GRID2: variants seen among roughly 807,000 people sequenced by gnomAD.
GRID2 encodes the protein glutamate receptor ionotropic, delta-2.
Under a neutral mutation model 114.8 loss-of-function variants are expected in GRID2, and 33 were observed. The ratio of observed to expected loss-of-function variants is 0.29; its 90% CI spans 0.22 to 0.38. GRID2 has a LOEUF of 0.38. Among genes scored for constraint, GRID2 ranks in the 10% least tolerant of loss-of-function variants. The probability of loss-of-function intolerance (pLI) is 1.00; values close to 1 mark genes in which losing one functional copy is unlikely to be tolerated. For synonymous variants in GRID2, 505 were observed against 449.9 expected, an observed-to-expected ratio of 1.12 and a Z score of -1.55; for missense variants, 1,184 against 1,257.7, an observed-to-expected ratio of 0.94 and a Z score of 0.89.
At chr4:92,647,057 C>G (rs554872101) in intron 2 of GRID2, among the ~76,000 whole-genome samples, 1 of 152,202 alleles carries the variant, frequency 6.6e-6, no homozygotes, top group South Asian at 2.1e-4. Context: ...GTACAATGAT[C>G]GGTTAGAGTG....
chr4:93,251,427 C>T (rs1748917862), intron 8 of GRID2, among the ~76,000 whole-genome samples: 1 of 152,196 alleles, frequency 6.6e-6, no homozygotes, highest in South Asian at 2.1e-4. Flanking sequence ...TTATAAAATT[C>T]ATTTTAAGCA....
chr4:93,488,671 C>T (rs13119223), intron 11 of GRID2, among the ~76,000 whole-genome samples: 29,198 of 151,792 alleles, frequency 0.19, 3,354 homozygotes, highest in Middle Eastern at 0.33. Context: ...AACACAGACT[C>T]GGTGGCTTAA....
chr4:93,072,848 C>A (rs1728930869), intron 2 of GRID2, among the ~76,000 whole-genome samples: 1 of 152,096 alleles, frequency 6.6e-6, no homozygotes, highest in Non-Finnish European at 1.5e-5. Context: ...TCAAAACTTA[C>A]ACACACACTT....
intron 2 of GRID2, among the ~76,000 whole-genome samples, chr4:92,816,595 A>G (rs2149383105): frequency 6.6e-6 from 1 of 152,250 alleles, no homozygotes; most frequent in South Asian, 2.1e-4. Flanking sequence ...AATTACAAAA[A>G]TTACAAATAT....
chr4:92,439,050 A>C (rs2110355517), intron 1 of GRID2, among the ~76,000 whole-genome samples: 1 of 152,068 alleles, frequency 6.6e-6, no homozygotes, highest in East Asian at 1.9e-4. Flanking sequence ...GTCCGAAAAG[A>C]GAGTCAGCGA....
intron 8 of GRID2, among the ~76,000 whole-genome samples, chr4:93,253,857 C>T (rs1244481626): frequency 1.3e-5 from 2 of 152,074 alleles, no homozygotes; most frequent in Non-Finnish European, 2.9e-5. Flanking sequence ...GTTCATGACA[C>T]TTAAGGTTGT....
chr4:92,796,949 A>G (rs1560597591), intron 2 of GRID2, among the ~76,000 whole-genome samples: 3 of 151,964 alleles, frequency 2.0e-5, no homozygotes. Context: ...TTTTTCAAAA[A>G]GTGGAAGGTA....
chr4:92,827,261 T>TTTAATGAATTTATTA (rs1193091678), intron 2 of GRID2, among the ~76,000 whole-genome samples: 3 of 152,120 alleles, frequency 2.0e-5, no homozygotes, highest in African/African-American at 7.2e-5. Flanking sequence ...TATATTAACG[T>TTTAATGAATTTATTA]TTAATGAATG....
intron 8 of GRID2, among the ~76,000 whole-genome samples, chr4:93,314,247 G>A (rs945935627): frequency 7.0e-6 from 1 of 143,856 alleles, no homozygotes; most frequent in Non-Finnish European, 1.5e-5. Flanking sequence ...GGAGGTTGCA[G>A]TGAGCCAAGA....
intron 1 of GRID2, among the ~76,000 whole-genome samples, chr4:92,332,258 C>A (rs1726929296): frequency 6.6e-6 from 1 of 152,088 alleles, no homozygotes; most frequent in Non-Finnish European, 1.5e-5. Context: ...CTTGCAGCAT[C>A]ATCTAATGGC....
intron 2 of GRID2, among the ~76,000 whole-genome samples, chr4:92,676,686 T>C (rs946927953): frequency 1.3e-5 from 2 of 152,144 alleles, no homozygotes; most frequent in Non-Finnish European, 2.9e-5. Context: ...TATACATTTA[T>C]GTATAATGAG....
At chr4:92,942,942 G>A (rs1439849008) in intron 2 of GRID2, among the ~76,000 whole-genome samples, 1 of 152,228 alleles carries the variant, frequency 6.6e-6, no homozygotes, top group Non-Finnish European at 1.5e-5. Flanking sequence ...GAGATCTGCT[G>A]TTATTCTGAT....
At chr4:92,527,205 A>C (rs1725085890) in intron 1 of GRID2, among the ~76,000 whole-genome samples, 1 of 152,142 alleles carries the variant, frequency 6.6e-6, no homozygotes, top group African/African-American at 2.4e-5. Flanking sequence ...GTACAACAAA[A>C]GAGAGAAGTA....
At position 93,155,410 on chromosome 4, in the gene GRID2, T is replaced by A. The variant is rs147008063; in HGVS notation, c.735+44457T>A. The stretch of plus-strand genomic sequence containing the variant: ...CATTTTATCCTTTTATACTAAGTTC[T>A]AAGGTCACCATTTTAGGAATCTGTC... On this transcript the variant is annotated intron_variant, in intron 4 of 15. Coordinates refer to ENST00000282020, the MANE Select transcript of GRID2 (RefSeq NM_001510.4). Among the ~76,000 whole-genome samples, 361 of 152,044 alleles carry A rather than the reference T, an allele frequency of 2.4e-3. 1 individual carries two copies. The highest frequency in any genetic ancestry group is 8.3e-3 in the African/African-American group (346 of 41,536).
chr4:92,352,296 G>C (rs1348415003), intron 1 of GRID2, among the ~76,000 whole-genome samples: 1 of 151,344 alleles, frequency 6.6e-6, no homozygotes, highest in African/African-American at 2.4e-5. Context: ...TCTTCTTTTA[G>C]AAATGTCTAT....
intron 4 of GRID2, among the ~76,000 whole-genome samples, chr4:93,132,906 G>A (rs1734933822): frequency 2.6e-5 from 4 of 152,160 alleles, no homozygotes; most frequent in Non-Finnish European, 5.9e-5. Flanking sequence ...CTTTTTAAAA[G>A]TGCTCAATTG....
chr4:93,679,830 G>A (rs1479704858), intron 14 of GRID2, among the ~76,000 whole-genome samples: 1 of 150,922 alleles, frequency 6.6e-6, no homozygotes, highest in African/African-American at 2.5e-5. Context: ...AAGCAGGAAA[G>A]ATCCAAAATT....
chr4:93,282,412 G>A, intron 8 of GRID2: 1 of 444,346 alleles, frequency 2.3e-6, no homozygotes, highest in Non-Finnish European at 4.5e-6. Context: ...CAAGGAGTCT[G>A]CATCTGGTGA....
chr4:92,668,902 G>T (rs1476289502), intron 2 of GRID2, among the ~76,000 whole-genome samples: 1 of 151,834 alleles, frequency 6.6e-6, no homozygotes, highest in Non-Finnish European at 1.5e-5. Flanking sequence ...ACATGGTGGT[G>T]ACCAAAAGAG....
Sources: allele counts gnomAD v4.1 joint callset (sites outside exome capture counted in the v4.1 genomes callset), GRCh38; gene constraint gnomAD v4.1.1; transcripts MANE v1.5; gene names NCBI Gene and HGNC (gene_info 2026-07-23, HGNC 2026-07-21).